BLVRA: variants seen among roughly 807,000 people sequenced by gnomAD.
BLVRA encodes BVR A.
Under a neutral mutation model 32.8 loss-of-function variants are expected in BLVRA, and 22 were observed. That is an observed-to-expected ratio of 0.67 (90% CI 0.48 to 0.96). The LOEUF (loss-of-function observed/expected upper bound fraction) is 0.96. Among genes scored for constraint, BLVRA ranks in the 40% least tolerant of loss-of-function variants. BLVRA has a pLI of 0.00. For missense variants in BLVRA, 323 were observed against 358.1 expected, an observed-to-expected ratio of 0.90 and a Z score of 0.79; for synonymous variants, 119 against 141.3, an observed-to-expected ratio of 0.84 and a Z score of 1.12.
At chr7:43,765,629 T>C (rs2132544853) in intron 1 of BLVRA, among the ~76,000 whole-genome samples, 1 of 152,344 alleles carries the variant, frequency 6.6e-6, no homozygotes, top group African/African-American at 2.4e-5. Context: ...TAATTCACCC[T>C]AATTTAATGT....
chr7:43,773,627 G>A (rs1318528822), intron 2 of BLVRA, among the ~76,000 whole-genome samples: 1 of 152,206 alleles, frequency 6.6e-6, no homozygotes, highest in East Asian at 1.9e-4. Context: ...ATAGCAGCAT[G>A]ATTTATAGTC....
At chr7:43,783,479 C>G (rs1409200248) in intron 2 of BLVRA, among the ~76,000 whole-genome samples, 1 of 152,192 alleles carries the variant, frequency 6.6e-6, no homozygotes, top group African/African-American at 2.4e-5. Flanking sequence ...AAAGGGCTTC[C>G]TCGTTCTTTT....
chr7:43,798,702 T>G (rs2095795515), intron 5 of BLVRA, among the ~76,000 whole-genome samples: 1 of 152,204 alleles, frequency 6.6e-6, no homozygotes, highest in South Asian at 2.1e-4. Context: ...CTAATAACGT[T>G]TTGATGGCAA....
chr7:43,800,661 C>T, intron 6 of BLVRA, 89 bp downstream of exon 6: 1 of 1,177,592 alleles, frequency 8.5e-7, no homozygotes, highest in Non-Finnish European at 1.2e-6. Context: ...AGCTTATATT[C>T]ATTTCTGCTC....
At chr7:43,768,356 G>A (rs1341816461) in intron 1 of BLVRA, among the ~76,000 whole-genome samples, 1 of 152,114 alleles carries the variant, frequency 6.6e-6, no homozygotes, top group Non-Finnish European at 1.5e-5. Flanking sequence ...GTTTATCCTT[G>A]AAGCTCTCTG....
At position 43,803,861 on chromosome 7, in the gene BLVRA, A is replaced by G; in HGVS notation, c.632+14A>G. Reference sequence around the variant, plus strand: ...AGAGAAGAAAAGGTAAGTCATGAGAAGCCATGAGGAGGAGGAAATTTAAGG... The same window carrying G: ...AGAGAAGAAAAGGTAAGTCATGAGAGGCCATGAGGAGGAGGAAATTTAAGG... On this transcript the variant is annotated intron_variant, in intron 7 of 7. Transcript: ENST00000265523. The G allele has an allele frequency of 6.2e-7, 1 of 1,613,548 alleles. No individual in the cohort carries two copies. The highest frequency in any genetic ancestry group is 2.2e-5 in the East Asian group (1 of 44,862).
chr7:43,802,760 C>T (rs1383977603), intron 6 of BLVRA, among the ~76,000 whole-genome samples: 2 of 152,102 alleles, frequency 1.3e-5, no homozygotes, highest in Admixed American at 6.6e-5. Flanking sequence ...CTTGGCCTCC[C>T]GAAGTGCTGG....
Position 43,771,330 on chromosome 7 carries a change from A to T in BLVRA, c.12+160A>T, listed in dbSNP as rs546013633. On this transcript the variant is annotated intron_variant, in intron 2 of 7. Transcript: ENST00000265523. Reference sequence around the variant, plus strand: ...TGCACGTGGTTCTGGGTGATGCAGGAAGAACTAGGCCCCTCTGAGTTCTTA... The same window carrying T: ...TGCACGTGGTTCTGGGTGATGCAGGTAGAACTAGGCCCCTCTGAGTTCTTA... 1.2e-4 allele frequency among the ~76,000 whole-genome samples: 19 copies of T among 152,226 alleles called. No individual in the cohort carries two copies. The South Asian group carries it at 2.7e-3, about 22-fold the overall frequency.
At chr7:43,792,633 C>T (rs1235121605) in intron 4 of BLVRA, 82 bp from the exon 5 acceptor site, 36 of 1,332,680 alleles carry the variant, frequency 2.7e-5, no homozygotes, top group Non-Finnish European at 3.5e-5. Context: ...GCCTTTATAA[C>T]ATTCTGTTCT....
chr7:43,766,290 GAA>G (rs56186712), intron 1 of BLVRA, among the ~76,000 whole-genome samples: 9 of 93,884 alleles, frequency 9.6e-5, no homozygotes, highest in South Asian at 3.4e-4. Context: ...CTGTCTCAGG[GAA>G]AAAAAAAAAA....
chr7:43,768,871 C>T lies in BLVRA; in HGVS notation c.-21-2267C>T, dbSNP rs980140406. Among the ~76,000 whole-genome samples, 16 of 151,812 alleles carry T rather than the reference C, an allele frequency of 1.1e-4. No homozygotes were observed. In the East Asian group the frequency reaches 2.1e-3, roughly 20 times the overall value. ...TGCACCCTCCTACTTAGAGTGCTGG[C>T]GCTCCCACCCCACCCACCACCTGCG... On this transcript the variant is annotated intron_variant, in intron 1 of 7. Transcript: ENST00000265523.
intron 2 of BLVRA, among the ~76,000 whole-genome samples, chr7:43,777,493 A>G (rs1313250826): frequency 5.3e-5 from 8 of 152,122 alleles, no homozygotes; most frequent in Non-Finnish European, 4.4e-5. Flanking sequence ...TGGCTTGTAG[A>G]GTTTCTGCCG....
intron 1 of BLVRA, among the ~76,000 whole-genome samples, chr7:43,769,373 G>A (rs1364491127): frequency 2.0e-5 from 3 of 152,132 alleles, no homozygotes; most frequent in South Asian, 2.1e-4. Context: ...CACCTATACT[G>A]CCTCCCCAGG....
At chr7:43,788,632 CAG>C in intron 3 of BLVRA, among the ~76,000 whole-genome samples, 1 of 151,862 alleles carries the variant, frequency 6.6e-6, no homozygotes, top group African/African-American at 2.4e-5. Flanking sequence ...TTTTTTGAGA[CAG>C]AGTCTCACTC....
At chr7:43,772,148 C>T (rs1226365192) in intron 2 of BLVRA, among the ~76,000 whole-genome samples, 1 of 152,136 alleles carries the variant, frequency 6.6e-6, no homozygotes, top group Non-Finnish European at 1.5e-5. Context: ...CAGGGCTGGT[C>T]GATCCTGCGG....
intron 5 of BLVRA, among the ~76,000 whole-genome samples, chr7:43,799,195 G>A (rs1273924155): frequency 6.6e-6 from 1 of 152,190 alleles, no homozygotes; most frequent in East Asian, 1.9e-4. Context: ...TCCTGCGACA[G>A]ACATCCTCCT....
intron 1 of BLVRA, among the ~76,000 whole-genome samples, chr7:43,770,142 C>T (rs1041636275): frequency 1.3e-5 from 2 of 152,186 alleles, no homozygotes; most frequent in African/African-American, 4.8e-5. Context: ...CTTCTGCCCT[C>T]TGCAAGCTAG....
At chr7:43,790,797 C>A (rs560606903) in intron 3 of BLVRA, among the ~76,000 whole-genome samples, 1 of 152,332 alleles carries the variant, frequency 6.6e-6, no homozygotes, top group East Asian at 1.9e-4. Flanking sequence ...CTCAGCCTCC[C>A]AGGTAGCTGG....
At chr7:43,792,878 A>G in intron 5 of BLVRA, 66 bp downstream of exon 5, 3 of 1,475,978 alleles carry the variant, frequency 2.0e-6, no homozygotes, top group East Asian at 4.7e-5. Context: ...TGCCTTTAAA[A>G]CTTAACCCCA....
Sources: gnomAD v4.1 joint callset for allele counts (sites outside exome capture counted in the v4.1 genomes callset) on GRCh38, gnomAD v4.1.1 for gene constraint, MANE v1.5 for transcripts, NCBI Gene and HGNC (gene_info 2026-07-23, HGNC 2026-07-21) for gene names.